SGK3: variants seen among roughly 807,000 people sequenced by gnomAD.
The protein encoded by SGK3 is serum/glucocorticoid regulated kinase family member 3, also known as serine/threonine-protein kinase Sgk3.
Under a neutral mutation model 68.5 loss-of-function variants are expected in SGK3, and 47 were observed. The observed-to-expected ratio is 0.69, with a 90% CI of 0.54 to 0.87. SGK3 has a LOEUF of 0.87. Ranked by LOEUF, SGK3 falls within the 40% of genes least tolerant of loss-of-function variation. SGK3 has a pLI of 0.00. For missense variants in SGK3, 479 were observed against 575.5 expected (o/e 0.83, Z 1.72); for synonymous variants, 181 against 189.1 (o/e 0.96, Z 0.35).
chr8:66,807,125 T>C (rs572025201), intron 4 of SGK3, among the ~76,000 whole-genome samples: 3 of 152,146 alleles, frequency 2.0e-5, no homozygotes, highest in Non-Finnish European at 4.4e-5. Context: ...AAATGAGCAA[T>C]GTACAAGAAC....
intron 1 of SGK3, 25 bp from the exon 2 acceptor site, chr8:66,793,591 C>CTTT: frequency 5.1e-5 from 29 of 564,806 alleles, no homozygotes; most frequent in Admixed American, 7.3e-5. Context: ...TTGCTAATCA[C>CTTT]TTTTTTTTTT....
At chr8:66,813,704 G>C in intron 4 of SGK3, 149 bp from the exon 5 acceptor site, 1 of 361,764 alleles carries the variant, frequency 2.8e-6, no homozygotes, top group Non-Finnish European at 4.8e-6. Flanking sequence ...TAATTTCTAA[G>C]TATGTATTCC....
intron 5 of SGK3, among the ~76,000 whole-genome samples, chr8:66,821,678 AT>A (rs59399048): frequency 0.022 from 2,388 of 108,502 alleles, 36 homozygotes; most frequent in African/African-American, 0.049. Context: ...ACGCCCGGCT[AT>A]TTTTTTTTTT....
chr8:66,846,700 C>T (rs899448989), intron 14 of SGK3, among the ~76,000 whole-genome samples: 8 of 152,138 alleles, frequency 5.3e-5, no homozygotes, highest in East Asian at 1.9e-4. Flanking sequence ...TTGGCTGTTG[C>T]GGTGGCATTT....
At chr8:66,769,872 A>G (rs1365355712) in intron 1 of SGK3, among the ~76,000 whole-genome samples, 7 of 151,990 alleles carry the variant, frequency 4.6e-5, no homozygotes, top group Admixed American at 4.6e-4. Context: ...ACCTGCCTAC[A>G]TTACCATTAT....
chr8:66,720,147 T>C (rs1804755230), intron 1 of SGK3, among the ~76,000 whole-genome samples: 1 of 152,194 alleles, frequency 6.6e-6, no homozygotes, highest in African/African-American at 2.4e-5. Flanking sequence ...GACAAATCCA[T>C]CCAAATTAAC....
At chr8:66,745,268 T>C (rs953183916) in intron 1 of SGK3, among the ~76,000 whole-genome samples, 1 of 152,134 alleles carries the variant, frequency 6.6e-6, no homozygotes, top group African/African-American at 2.4e-5. Flanking sequence ...TAAAAGAATA[T>C]GTTAGAAACT....
intron 1 of SGK3, among the ~76,000 whole-genome samples, chr8:66,715,441 A>G (rs1435328901): frequency 6.6e-6 from 1 of 152,030 alleles, no homozygotes; most frequent in African/African-American, 2.4e-5. Context: ...TGTTTTTAGT[A>G]GAGACAGGGT....
chr8:66,789,316 A>T (rs1807340644), intron 1 of SGK3, among the ~76,000 whole-genome samples: 1 of 152,160 alleles, frequency 6.6e-6, no homozygotes, highest in Non-Finnish European at 1.5e-5. Flanking sequence ...TGATAGTGGT[A>T]CTGATTTCTG....
chr8:66,763,616 ACATATAAATATATATGTG>A (rs1327051974), intron 1 of SGK3, among the ~76,000 whole-genome samples: 1 of 152,066 alleles, frequency 6.6e-6, no homozygotes, highest in African/African-American at 2.4e-5. Context: ...GGAAATACAT[ACATATAAATATATATGTG>A]TATTTATATG....
intron 4 of SGK3, 145 bp downstream of exon 4, chr8:66,804,592 T>A: frequency 1.2e-6 from 1 of 812,046 alleles, no homozygotes; most frequent in East Asian, 2.8e-5. Flanking sequence ...AGGTGCTTAC[T>A]GTCTACTAGG....
intron 1 of SGK3, among the ~76,000 whole-genome samples, chr8:66,714,482 C>G (rs1374387010): frequency 6.6e-6 from 1 of 152,202 alleles, no homozygotes; most frequent in African/African-American, 2.4e-5. Flanking sequence ...AGCTTTCTGA[C>G]TCCCTCACTC....
intron 1 of SGK3, among the ~76,000 whole-genome samples, chr8:66,752,281 G>A (rs1054545602): frequency 2.6e-5 from 4 of 152,088 alleles, no homozygotes; most frequent in African/African-American, 9.7e-5. Flanking sequence ...GTAGTATGGT[G>A]ACCAACCACC....
At chr8:66,744,519 ATT>A (rs55684607) in intron 1 of SGK3, among the ~76,000 whole-genome samples, 52 of 21,220 alleles carry the variant, frequency 2.5e-3, no homozygotes, top group Non-Finnish European at 3.5e-3. Context: ...ATATATATAT[ATT>A]TTTTTTTTTT....
intron 8 of SGK3, among the ~76,000 whole-genome samples, chr8:66,835,502 C>T (rs762121431): frequency 3.3e-5 from 5 of 152,116 alleles, no homozygotes; most frequent in Non-Finnish European, 5.9e-5. Flanking sequence ...GGCTGGAGCA[C>T]ATGCATGCAT....
chr8:66,813,775 C>T (rs956001112), intron 4 of SGK3, 78 bp from the exon 5 acceptor site: 3 of 1,256,336 alleles, frequency 2.4e-6, no homozygotes, highest in Non-Finnish European at 3.2e-6. Flanking sequence ...CTATCTTGTG[C>T]TTGTCTATTA....
chr8:66,759,915 A>G (rs1806103123), intron 1 of SGK3, among the ~76,000 whole-genome samples: 1 of 152,104 alleles, frequency 6.6e-6, no homozygotes, highest in African/African-American at 2.4e-5. Flanking sequence ...GACCCTTGTC[A>G]TTGGGTTTAG....
At chr8:66,723,270 G>A (rs1804877683) in intron 1 of SGK3, among the ~76,000 whole-genome samples, 3 of 148,322 alleles carry the variant, frequency 2.0e-5, no homozygotes, top group African/African-American at 7.4e-5. Context: ...GTGAAATGCT[G>A]TCTCTACTAA....
At position 66,861,083 on chromosome 8, in the gene SGK3, A is replaced by G. The variant is rs1810730879; in HGVS notation, c.*1502A>G. The G allele has an allele frequency of 1.3e-5, 2 of 152,224 alleles. No individual in the cohort carries two copies. The highest frequency in any genetic ancestry group is 1.3e-4 in the Admixed American group (2 of 15,272). The allele number at this position is 152,224 out of a possible 1,614,324, so 9.4% of individuals were successfully genotyped here. A position where few individuals can be genotyped will look rare whatever the true frequency, so the allele number is the denominator to read the frequency against. Reference sequence around the variant, plus strand: ...AGTTGCAGTGAACTGAAATTGTGCCACTGCACTTTTCAGCCTGGGTGCCAC... The same window carrying G: ...AGTTGCAGTGAACTGAAATTGTGCCGCTGCACTTTTCAGCCTGGGTGCCAC... On this transcript the variant is annotated 3_prime_UTR_variant, in exon 17 of 17. Transcript: ENST00000521198.
Sources: allele counts gnomAD v4.1 joint callset (sites outside exome capture counted in the v4.1 genomes callset), GRCh38; gene constraint gnomAD v4.1.1; transcripts MANE v1.5; gene names NCBI Gene and HGNC (gene_info 2026-07-23, HGNC 2026-07-21).